Variants in PCDH17 observed in about 807,000 individuals in gnomAD.
PCDH17 encodes protocadherin 17, also known as protocadherin-17.
In PCDH17, 21 loss-of-function variants were observed where a neutral mutation model predicts 67.7. The ratio of observed to expected loss-of-function variants is 0.31; its 90% CI spans 0.22 to 0.45. The LOEUF is 0.45. Ranked by LOEUF, PCDH17 falls within the 20% of genes least tolerant of loss-of-function variation. The pLI is 1.00. For missense variants in PCDH17, 1,471 were observed against 1,564.8 expected (o/e 0.94, Z 1.01); for synonymous variants, 701 against 656.7 (o/e 1.07, Z -1.03).
At chr13:57,715,753 C>T (rs183472009) in intron 3 of PCDH17, among the ~76,000 whole-genome samples, 125 of 151,810 alleles carry the variant, frequency 8.2e-4, no homozygotes, top group Admixed American at 1.4e-3. Flanking sequence ...GAATACCTAG[C>T]GAATCTCTTT....
intron 3 of PCDH17, among the ~76,000 whole-genome samples, chr13:57,678,577 T>C (rs1386554959): frequency 6.6e-6 from 1 of 151,650 alleles, no homozygotes; most frequent in Non-Finnish European, 1.5e-5. Context: ...GGCTCTAATC[T>C]TTTCTATAAA....
At chr13:57,666,142 T>A (rs1955250751) in intron 1 of PCDH17, among the ~76,000 whole-genome samples, 1 of 152,116 alleles carries the variant, frequency 6.6e-6, no homozygotes, top group Non-Finnish European at 1.5e-5. Context: ...ATTAGGTTAT[T>A]TTCCCACTCC....
chr13:57,681,968 T>C (rs1390952851), intron 3 of PCDH17, among the ~76,000 whole-genome samples: 2 of 151,874 alleles, frequency 1.3e-5, no homozygotes, highest in Non-Finnish European at 2.9e-5. Flanking sequence ...CAAAACTCTG[T>C]AGTCCATCTG....
rs1252672087 is a variant in PCDH17 at position 57,634,486 on chromosome 13, C to T, written c.1940C>T (p.Thr647Met). The T allele has an allele frequency of 1.2e-6, 2 of 1,612,926 alleles. No individual in the cohort carries two copies. The highest frequency in any genetic ancestry group is 8.5e-7 in the Non-Finnish European group (1 of 1,180,006). The change falls in exon 1 of 4, where the codon ACG becomes ATG. Residue 647 changes from threonine to methionine, a missense_variant. Physicochemically the swap from Thr to Met is moderately conservative, Grantham distance 81 (BLOSUM62 -1). Coordinates refer to ENST00000377918, the MANE Select transcript of PCDH17 (RefSeq NM_001040429.3). The surrounding 1 kb of genome is among the most constrained non-coding windows in gnomAD (Gnocchi z 7.8). ...EIDPSSGEIR[T>M]LHPFWEDVTP... ...GACCCGTCCAGCGGCGAGATCCGCA[C>T]GCTGCACCCTTTCTGGGAGGACGTG...
rs1054056896 is a variant in PCDH17, at chr13:57,633,719, C to A, written c.1173C>A (p.Val391=). 6 of 1,601,270 alleles carry A rather than the reference C, an allele frequency of 3.7e-6. No homozygotes were observed. The African/African-American group carries it at 8.0e-5, about 21-fold the overall frequency. ...AGAACGGACAGCTGCAGTGTCGGGT[C>A]CTAGGCGGAGGAGGGACGGGCGGCG... ...SGKNGQLQCR[V]LGGGGTGGGG... The change falls in exon 1 of 4, where the codon GTC becomes GTA. Residue 391 remains valine, a synonymous_variant. Coordinates refer to ENST00000377918, the MANE Select transcript of PCDH17 (RefSeq NM_001040429.3). The surrounding 1 kb of genome is among the most constrained non-coding windows in gnomAD (Gnocchi z 6.2).
chr13:57,668,583 T>C (rs1955283390), intron 3 of PCDH17, among the ~76,000 whole-genome samples: 1 of 152,080 alleles, frequency 6.6e-6, no homozygotes, highest in African/African-American at 2.4e-5. Context: ...AAATGCAATT[T>C]ATACTAAAAA....
chr13:57,645,185 C>T (rs1593897056), intron 1 of PCDH17, among the ~76,000 whole-genome samples: 2 of 151,728 alleles, frequency 1.3e-5, no homozygotes, highest in South Asian at 2.1e-4. Flanking sequence ...TTAAACCTCT[C>T]GATCAGTGTT....
intron 3 of PCDH17, among the ~76,000 whole-genome samples, chr13:57,680,618 T>C (rs1403488703): frequency 2.0e-5 from 3 of 151,600 alleles, no homozygotes; most frequent in Non-Finnish European, 4.4e-5. Flanking sequence ...AGGGTACATG[T>C]GCACCTGAGG....
At chr13:57,715,111 AATAG>A (rs1259152974) in intron 3 of PCDH17, among the ~76,000 whole-genome samples, 1 of 151,830 alleles carries the variant, frequency 6.6e-6, no homozygotes, top group Non-Finnish European at 1.5e-5. Context: ...TTCAATAATA[AATAG>A]ATAACTTTAT....
At chr13:57,711,719 T>A (rs960455047) in intron 3 of PCDH17, among the ~76,000 whole-genome samples, 1 of 151,618 alleles carries the variant, frequency 6.6e-6, no homozygotes, top group Non-Finnish European at 1.5e-5. Context: ...ATATTTTTGA[T>A]TATTATAAAA....
At chr13:57,667,472 T>G (rs1593913530) in intron 3 of PCDH17, among the ~76,000 whole-genome samples, 3 of 152,184 alleles carry the variant, frequency 2.0e-5, no homozygotes, top group African/African-American at 7.2e-5. Flanking sequence ...TTTTGTTGTT[T>G]CAAATACAAT....
chr13:57,671,591 T>C (rs1285758627), intron 3 of PCDH17, among the ~76,000 whole-genome samples: 1 of 152,066 alleles, frequency 6.6e-6, no homozygotes, highest in African/African-American at 2.4e-5. Context: ...TTTTTCTTCA[T>C]GAAAAGATTT....
chr13:57,641,121 T>C (rs1306173279), intron 1 of PCDH17, among the ~76,000 whole-genome samples: 2 of 151,940 alleles, frequency 1.3e-5, no homozygotes. Flanking sequence ...GCAACCCACC[T>C]ACAAAGCACT....
At chr13:57,722,642 G>T (rs1475812504) in intron 3 of PCDH17, among the ~76,000 whole-genome samples, 3 of 152,042 alleles carry the variant, frequency 2.0e-5, no homozygotes, top group Non-Finnish European at 2.9e-5. Flanking sequence ...TTGAGACAGG[G>T]TTTAACTCTG....
At chr13:57,720,423 TG>T in intron 3 of PCDH17, among the ~76,000 whole-genome samples, 1 of 152,140 alleles carries the variant, frequency 6.6e-6, no homozygotes, top group Non-Finnish European at 1.5e-5. Context: ...TATACATATG[TG>T]TACATTAATA....
chr13:57,710,555 G>A (rs932414285), intron 3 of PCDH17, among the ~76,000 whole-genome samples: 2 of 151,778 alleles, frequency 1.3e-5, no homozygotes, highest in Non-Finnish European at 2.9e-5. Flanking sequence ...TAAAAAAACA[G>A]GAAAAAGTAT....
chr13:57,640,970 A>G (rs904100761), intron 1 of PCDH17, among the ~76,000 whole-genome samples: 3 of 151,980 alleles, frequency 2.0e-5, no homozygotes, highest in Admixed American at 1.3e-4. Context: ...CCCATAGGGC[A>G]TTATCTTAAG....
At chr13:57,648,350 C>T (rs561146211) in intron 1 of PCDH17, among the ~76,000 whole-genome samples, 1 of 152,016 alleles carries the variant, frequency 6.6e-6, no homozygotes, top group Admixed American at 6.6e-5. Flanking sequence ...ATTTGAAATT[C>T]AATCATTAGG....
chr13:57,644,001 A>G (rs1033336020), intron 1 of PCDH17, among the ~76,000 whole-genome samples: 3 of 151,794 alleles, frequency 2.0e-5, no homozygotes, highest in African/African-American at 4.8e-5. Flanking sequence ...TGTGTCATGA[A>G]CCAAAGTGTA....
Sources: allele counts gnomAD v4.1 joint callset (sites outside exome capture counted in the v4.1 genomes callset), GRCh38; gene constraint gnomAD v4.1.1; non-coding constraint Gnocchi (gnomAD v3.1); transcripts MANE v1.5; gene names NCBI Gene and HGNC (gene_info 2026-07-23, HGNC 2026-07-21).